PCDH9: variants seen among roughly 807,000 people sequenced by gnomAD.
PCDH9 encodes protocadherin-9.
PCDH9 carries 24 observed loss-of-function variants against 70.6 expected under a neutral mutation model. That is an observed-to-expected ratio of 0.34 (90% CI 0.25 to 0.48). The LOEUF (loss-of-function observed/expected upper bound fraction) is 0.48, where lower values mean the gene tolerates loss of function less well. Among genes scored for constraint, PCDH9 ranks in the 20% least tolerant of loss-of-function variants. PCDH9 has a pLI of 0.99. For missense variants in PCDH9, 1,281 were observed against 1,503.6 expected, an observed-to-expected ratio of 0.85 and a Z score of 2.45; for synonymous variants, 562 against 558.5, an observed-to-expected ratio of 1.01 and a Z score of -0.09.
At chr13:67,087,080 T>TCAAAA (rs2086121628) in intron 2 of PCDH9, among the ~76,000 whole-genome samples, 2 of 127,650 alleles carry the variant, frequency 1.6e-5, no homozygotes, top group Non-Finnish European at 3.3e-5. Flanking sequence ...AGAGTTTTGA[T>TCAAAA]GTTTTGTAAA....
intron 4 of PCDH9, among the ~76,000 whole-genome samples, chr13:66,326,260 A>G (rs1342512977): frequency 1.3e-5 from 2 of 151,958 alleles, no homozygotes; most frequent in Non-Finnish European, 2.9e-5. Flanking sequence ...TGTTCTCTTG[A>G]CTGTGTCTCC....
chr13:66,962,754 T>C (rs1038486941), intron 2 of PCDH9, among the ~76,000 whole-genome samples: 2 of 152,206 alleles, frequency 1.3e-5, no homozygotes, highest in Non-Finnish European at 2.9e-5. Context: ...CTTTTATTTA[T>C]AATGCATCAG....
intron 2 of PCDH9, chr13:67,207,706 T>C (rs2089383891): frequency 6.6e-6 from 1 of 152,216 alleles, no homozygotes; most frequent in Non-Finnish European, 1.5e-5. Flanking sequence ...TAACTGTGGA[T>C]TATTTTGGCC....
intron 3 of PCDH9, among the ~76,000 whole-genome samples, chr13:66,662,041 ATGTGTGTG>A (rs60088223): frequency 3.2e-4 from 48 of 150,352 alleles, no homozygotes; most frequent in African/African-American, 1.1e-3. Flanking sequence ...CTTTGTGAGT[ATGTGTGTG>A]TGTGTGTGTG....
intron 3 of PCDH9, among the ~76,000 whole-genome samples, chr13:66,743,880 T>C (rs1159982906): frequency 1.3e-5 from 2 of 152,100 alleles, no homozygotes; most frequent in African/African-American, 4.8e-5. Flanking sequence ...GAGATATAAC[T>C]TAAAGATGTA....
rs73507316 is a variant in PCDH9 at position 66,994,962 on chromosome 13, G to A, written c.3037-91357C>T. On this transcript the variant is annotated intron_variant, in intron 2 of 4. Transcript: ENST00000377865. ...GGCTTAAGTTTTGTAATCCATTTACGGAACATGCCTGCAATGAAAAATTAA... is the reference window on the plus strand; with the variant it reads ...GGCTTAAGTTTTGTAATCCATTTACAGAACATGCCTGCAATGAAAAATTAA... Among the ~76,000 whole-genome samples, 330 of 152,132 alleles carry A rather than the reference G, an allele frequency of 2.2e-3. 11 individuals carry two copies. The South Asian group carries it at 0.057, about 26-fold the overall frequency.
chr13:66,408,231 T>G (rs969336351), intron 4 of PCDH9, among the ~76,000 whole-genome samples: 1 of 151,976 alleles, frequency 6.6e-6, no homozygotes, highest in Non-Finnish European at 1.5e-5. Context: ...GCTAATTTTT[T>G]GTATTTTTAG....
intron 4 of PCDH9, among the ~76,000 whole-genome samples, chr13:66,385,705 G>A (rs771576978): frequency 3.9e-5 from 6 of 152,066 alleles, no homozygotes; most frequent in Non-Finnish European, 7.4e-5. Context: ...TTATGGATTT[G>A]TAGAAGATTC....
intron 4 of PCDH9, among the ~76,000 whole-genome samples, chr13:66,341,094 G>A (rs951916207): frequency 3.3e-5 from 5 of 151,972 alleles, no homozygotes; most frequent in African/African-American, 1.2e-4. Context: ...AAATGAAAAT[G>A]ACTTGCTTTA....
At chr13:66,354,138 T>C (rs935883047) in intron 4 of PCDH9, among the ~76,000 whole-genome samples, 1 of 152,194 alleles carries the variant, frequency 6.6e-6, no homozygotes, top group Non-Finnish European at 1.5e-5. Context: ...GGGTTGTTTT[T>C]CTTTTTCTCT....
intron 2 of PCDH9, among the ~76,000 whole-genome samples, chr13:66,969,432 G>C (rs1315479974): frequency 6.6e-6 from 1 of 151,966 alleles, no homozygotes; most frequent in Non-Finnish European, 1.5e-5. Context: ...ATAATAAATT[G>C]AAATCACTAC....
intron 2 of PCDH9, among the ~76,000 whole-genome samples, chr13:66,908,967 C>T (rs760728042): frequency 6.6e-6 from 1 of 151,980 alleles, no homozygotes; most frequent in South Asian, 2.1e-4. Context: ...AATTTAAAAA[C>T]AGGGATTGCT....
chr13:67,206,695 T>A (rs2089357366), intron 2 of PCDH9: 1 of 152,228 alleles, frequency 6.6e-6, no homozygotes, highest in South Asian at 2.1e-4. Context: ...GGAGGGCCTA[T>A]ACTGATCTTA....
chr13:66,437,263 C>G (rs143133398), intron 4 of PCDH9, among the ~76,000 whole-genome samples: 2,153 of 151,304 alleles, frequency 0.014, 24 homozygotes, highest in Admixed American at 0.023. Flanking sequence ...AAACATTAGC[C>G]GGGCGTGGTG....
At chr13:66,783,341 A>G (rs774954300) in intron 3 of PCDH9, among the ~76,000 whole-genome samples, 11 of 152,140 alleles carry the variant, frequency 7.2e-5, no homozygotes, top group South Asian at 2.1e-4. Context: ...CCATAGCTCA[A>G]AAGTGACTGG....
intron 2 of PCDH9, among the ~76,000 whole-genome samples, chr13:67,129,627 AT>A: frequency 1.1e-5 from 1 of 91,210 alleles, no homozygotes; most frequent in South Asian, 2.8e-4. Context: ...ATAAATATAC[AT>A]ATATATATAT....
At chr13:66,542,633 ATG>A (rs1261569007) in intron 4 of PCDH9, among the ~76,000 whole-genome samples, 2 of 149,524 alleles carry the variant, frequency 1.3e-5, no homozygotes, top group Non-Finnish European at 3.0e-5. Context: ...ATGTATATCT[ATG>A]TGTGTGTTTT....
At chr13:66,524,563 G>A (rs192062184) in intron 4 of PCDH9, among the ~76,000 whole-genome samples, 1 of 152,014 alleles carries the variant, frequency 6.6e-6, no homozygotes, top group African/African-American at 2.4e-5. Context: ...CTAAAGGGGG[G>A]TGTTAATAAT....
chr13:66,688,999 G>T (rs889033616), intron 3 of PCDH9, among the ~76,000 whole-genome samples: 5 of 152,036 alleles, frequency 3.3e-5, no homozygotes, highest in African/African-American at 1.2e-4. Context: ...AGGTAATGTT[G>T]CATTGAAGAC....
Sources: gnomAD v4.1 joint callset for allele counts (sites outside exome capture counted in the v4.1 genomes callset) on GRCh38, gnomAD v4.1.1 for gene constraint, MANE v1.5 for transcripts, NCBI Gene and HGNC (gene_info 2026-07-23, HGNC 2026-07-21) for gene names.